KIF1B: variants seen among roughly 807,000 people sequenced by gnomAD.
The protein encoded by KIF1B is kinesin family member 1B, also known as kinesin-like protein KIF1B.
In KIF1B, 76 loss-of-function variants were observed where a neutral mutation model predicts 241.9. That is an observed-to-expected ratio of 0.31 (90% CI 0.26 to 0.38). KIF1B has a LOEUF of 0.38. KIF1B is among the 10% of genes least tolerant of loss of function. The pLI, the probability that KIF1B is intolerant of heterozygous loss-of-function variation, is 1.00. For missense variants in KIF1B, 1,622 were observed against 2,271.4 expected (o/e 0.71, Z 5.81); for synonymous variants, 750 against 796.7 (o/e 0.94, Z 0.99).
At chr1:10,369,944 A>G (rs1638681762) in intron 44 of KIF1B, among the ~76,000 whole-genome samples, 1 of 149,792 alleles carries the variant, frequency 6.7e-6, no homozygotes, top group Non-Finnish European at 1.5e-5. Flanking sequence ...AAAAGAAAAC[A>G]AAAAACAAAA....
At chr1:10,327,565 A>T (rs989905737) in intron 27 of KIF1B, among the ~76,000 whole-genome samples, 1 of 151,954 alleles carries the variant, frequency 6.6e-6, no homozygotes, top group Non-Finnish European at 1.5e-5. Flanking sequence ...TGTTAAGACT[A>T]GGTCACCAAA....
rs773247085 is a variant in KIF1B at position 10,291,141 on chromosome 1, A to G, written c.1494A>G (p.Thr498=). ...NETWEEKLRK[T]EAIRMEREAL... ...CTTGGGAAGAGAAGCTTCGTAAAAC[A>G]GAGGCCATCAGAATGGAGAGGTCAG... Residue 498 remains threonine (T), a synonymous_variant, in exon 16 of 49, where the codon ACA becomes ACG. Transcript: ENST00000676179. The G allele has an allele frequency of 6.2e-7, 1 of 1,612,580 alleles. No individual in the cohort carries two copies. Among genetic ancestry groups the G allele is most frequent in the Admixed American group, 1.7e-5 (1 of 60,014 alleles).
chr1:10,356,296 C>T (rs964099473), intron 38 of KIF1B, among the ~76,000 whole-genome samples: 1 of 151,858 alleles, frequency 6.6e-6, no homozygotes, highest in Non-Finnish European at 1.5e-5. Context: ...ACCCGGGAGG[C>T]GGAGGTTGCA....
chr1:10,303,405 C>CA lies in KIF1B; in HGVS notation c.2115+6162dup, dbSNP rs1650640637. ...TCTCAGATCTTAAAATTCAGGCTGT[C>CA]AAAGAGATTTGCTATGAGGTTGCTC... On this transcript the variant is annotated intron_variant, in intron 22 of 48. Transcript: ENST00000676179. The surrounding 1 kb of genome is among the most constrained non-coding windows in gnomAD (Gnocchi z 5.2). 6.2e-7 allele frequency: 1 copy of CA among 1,614,074 alleles called. No individual in the cohort carries two copies. Among genetic ancestry groups the CA allele is most frequent in the South Asian group, 1.1e-5 (1 of 91,088 alleles).
intron 44 of KIF1B, among the ~76,000 whole-genome samples, chr1:10,369,168 T>C (rs1638653006): frequency 6.6e-6 from 1 of 152,230 alleles, no homozygotes; most frequent in Admixed American, 6.5e-5. Flanking sequence ...TACCTACACC[T>C]CTTTCCTGCT....
intron 33 of KIF1B, 27 bp from the exon 34 acceptor site, chr1:10,343,205 T>G: frequency 6.2e-7 from 1 of 1,613,370 alleles, no homozygotes; most frequent in African/African-American, 1.3e-5. Flanking sequence ...CTTTATAGTC[T>G]TGATCTTTGT....
chr1:10,265,700 A>G (rs1648421207), intron 5 of KIF1B, among the ~76,000 whole-genome samples: 1 of 152,052 alleles, frequency 6.6e-6, no homozygotes, highest in Admixed American at 6.5e-5. Flanking sequence ...ATTTTTTTTA[A>G]TTAGCTAGGC....
At position 10,363,299 on chromosome 1, in the gene KIF1B, A is replaced by T. The variant is rs781347560; in HGVS notation, c.4321A>T (p.Ile1441Phe). 8 of 1,613,532 alleles carry T rather than the reference A, an allele frequency of 5.0e-6. No individual in the cohort carries two copies. Among genetic ancestry groups the T allele is most frequent in the South Asian group, 1.1e-5 (1 of 91,070 alleles). ...KSPDSNRVTG[I>F]YELSLCKMSD... Reference sequence around the variant, plus strand: ...TTCAAATAGGAATCGAGTCACTGGCATTTACGAACTCAGCTTATGCAAAAT... The same window carrying T: ...TTCAAATAGGAATCGAGTCACTGGCTTTTACGAACTCAGCTTATGCAAAAT... The change falls in exon 41 of 49, where the codon ATT becomes TTT. Residue 1441 changes from isoleucine (I) to phenylalanine (F), a missense_variant. This residue lies in a region of KIF1B where 803 missense variants were observed against 1,112.0 expected (regional missense o/e 0.72). Transcript: ENST00000676179.
chr1:10,357,023 A>T (rs558866591), intron 38 of KIF1B, among the ~76,000 whole-genome samples: 2 of 152,264 alleles, frequency 1.3e-5, no homozygotes, highest in Admixed American at 6.5e-5. Context: ...GGGACTCCAG[A>T]CACGTGCCAC....
rs559773227 is a variant in KIF1B, at chr1:10,330,700, G to A, written c.2925-3820G>A. Among the ~76,000 whole-genome samples the A allele has an allele frequency of 4.6e-5, 7 of 152,268 alleles. No homozygotes were observed. The East Asian group carries it at 7.7e-4, about 17-fold the overall frequency. On this transcript the variant is annotated intron_variant, in intron 27 of 48. Coordinates refer to ENST00000676179, the MANE Select transcript of KIF1B (RefSeq NM_001365951.3). ...AAGATAAGAGGCAAATCATTTTCCT[G>A]TTCCCTTATGCACATAGATGTTCAC...
intron 2 of KIF1B, among the ~76,000 whole-genome samples, chr1:10,255,444 G>A (rs1359042090): frequency 1.3e-5 from 2 of 152,000 alleles, no homozygotes; most frequent in Non-Finnish European, 2.9e-5. Context: ...AAAAAAATTA[G>A]CCAGTTGTAG....
intron 22 of KIF1B, among the ~76,000 whole-genome samples, chr1:10,316,424 T>C (rs973319315): frequency 6.6e-6 from 1 of 151,574 alleles, no homozygotes; most frequent in Non-Finnish European, 1.5e-5. Flanking sequence ...TATCTGGGCA[T>C]GGACTTTGGA....
Position 10,334,529 on chromosome 1 carries a change from T to G in KIF1B, c.2934T>G (p.Val978=), listed in dbSNP as rs749154726. ...PWFILVGRAF[V]YLSNLLYPVP... The stretch of plus-strand genomic sequence containing the variant: ...TGGTTTCTGTCTTTAGGGCATTTGT[T>G]TACCTGAGCAATCTGCTGTATCCCG... Residue 978 remains valine, a synonymous_variant, in exon 28 of 49, where the codon GTT becomes GTG. Coordinates refer to ENST00000676179, the MANE Select transcript of KIF1B (RefSeq NM_001365951.3). 156 of 1,613,274 alleles carry G rather than the reference T, an allele frequency of 9.7e-5. No individual in the cohort carries two copies. The highest frequency in any genetic ancestry group is 1.3e-4 in the Non-Finnish European group (153 of 1,179,342).
At chr1:10,277,918 TAGTA>T in intron 12 of KIF1B, 64 bp from the exon 13 acceptor site, 1 of 1,346,356 alleles carries the variant, frequency 7.4e-7, no homozygotes, top group African/African-American at 1.4e-5. Context: ...TTAGAGATAA[TAGTA>T]TGTTACTTAT....
chr1:10,250,637 C>T (rs576159992), intron 2 of KIF1B, among the ~76,000 whole-genome samples: 61 of 152,240 alleles, frequency 4.0e-4, no homozygotes, highest in African/African-American at 1.4e-3. Context: ...CCAGCCTAGG[C>T]AACATGGCAA....
chr1:10,365,806 AGCTTACAGGGCCAGGCACAGTGCCT>A lies in KIF1B; in HGVS notation c.4752+160_4752+184del, dbSNP rs1638556249. ...AAAGACGCAGTTCCTACCCTCAACA[AGCTTACAGGGCCAGGCACAGTGCCT>A]GATGCCTATTATCCCACCACTTTGG... On this transcript the variant is annotated intron_variant, in intron 43 of 48. Coordinates refer to ENST00000676179, the MANE Select transcript of KIF1B (RefSeq NM_001365951.3). The surrounding 1 kb of genome is among the most constrained non-coding windows in gnomAD (Gnocchi z 4.0). Among the ~76,000 whole-genome samples, 1 of 152,180 alleles carries A rather than the reference AGCTTACAGGGCCAGGCACAGTGCCT, an allele frequency of 6.6e-6. No homozygotes were observed. Among genetic ancestry groups the A allele is most frequent in the African/African-American group, 2.4e-5 (1 of 41,434 alleles).
chr1:10,251,362 A>G (rs181099127), intron 2 of KIF1B, among the ~76,000 whole-genome samples: 174 of 151,650 alleles, frequency 1.1e-3, no homozygotes, highest in Middle Eastern at 0.01. Flanking sequence ...GGAAAAGAGA[A>G]CAAAGCGATA....
chr1:10,246,975 G>A (rs968521867), intron 2 of KIF1B, among the ~76,000 whole-genome samples: 7 of 152,054 alleles, frequency 4.6e-5, no homozygotes, highest in East Asian at 1.9e-4. Flanking sequence ...AGCTGTTCTC[G>A]TGTCTCAGCC....
At position 10,296,886 on chromosome 1, in the gene KIF1B, T is replaced by G. The variant is rs1180549737; in HGVS notation, c.1862-11T>G. The G allele has an allele frequency of 6.2e-7, 1 of 1,613,176 alleles. No individual in the cohort carries two copies. Among genetic ancestry groups the G allele is most frequent in the South Asian group, 1.1e-5 (1 of 90,990 alleles). On this transcript the variant is annotated splice_polypyrimidine_tract_variant and intron_variant, in intron 20 of 48. Transcript: ENST00000676179. ...ATTATTTCTTAACCCTATTTTTCTG[T>G]TTTGTGCTAGGAAACCGTATCATCA...
Sources: allele counts gnomAD v4.1 joint callset (sites outside exome capture counted in the v4.1 genomes callset), GRCh38; gene constraint gnomAD v4.1.1; regional missense constraint gnomAD v4.1.1; non-coding constraint Gnocchi (gnomAD v3.1); transcripts MANE v1.5; gene names NCBI Gene and HGNC (gene_info 2026-07-23, HGNC 2026-07-21).